SYBU: variants seen among roughly 807,000 people sequenced by gnomAD.
SYBU encodes syntabulin, also known as GOLSYN A protein.
A neutral mutation model predicts 35.9 loss-of-function variants in SYBU; 21 were observed. That is an observed-to-expected ratio of 0.58 (90% CI 0.41 to 0.84). SYBU has a LOEUF of 0.84. Ranked by LOEUF, SYBU falls within the 40% of genes least tolerant of loss-of-function variation. The pLI is 0.00. For synonymous variants in SYBU, 319 were observed against 324.3 expected, an observed-to-expected ratio of 0.98 and a Z score of 0.18; for missense variants, 768 against 848.2, an observed-to-expected ratio of 0.91 and a Z score of 1.17.
rs1586934536 is a variant in SYBU, at chr8:109,644,721, G to A, written c.-62C>T. ...CCGCCGTCCAGGAGGAGGCACCTGCGAGCACGGAGCGAGGAGACTGCGCTG... is the reference window on the plus strand; with the variant it reads ...CCGCCGTCCAGGAGGAGGCACCTGCAAGCACGGAGCGAGGAGACTGCGCTG... On this transcript the variant is annotated 5_prime_UTR_variant, in exon 1 of 7. Transcript: ENST00000276646. 1.4e-6 allele frequency: 2 copies of A among 1,450,220 alleles called. No homozygotes were observed. Among genetic ancestry groups the A allele is most frequent in the East Asian group, 2.8e-5 (1 of 35,984 alleles). 89.8% of individuals were successfully genotyped at this position (1,450,220 alleles called of 1,614,324 possible). A position where few individuals can be genotyped will look rare whatever the true frequency, so the allele number is the denominator to read the frequency against.
At chr8:109,614,211 C>T (rs10102050) in intron 3 of SYBU, among the ~76,000 whole-genome samples, 152 of 152,336 alleles carry the variant, frequency 1.0e-3, no homozygotes, top group Non-Finnish European at 1.7e-3. Context: ...TTTAGTACTT[C>T]CCTTTGTAAA....
intron 2 of SYBU, among the ~76,000 whole-genome samples, chr8:109,625,122 A>G (rs1812843610): frequency 6.8e-6 from 1 of 147,982 alleles, no homozygotes; most frequent in Non-Finnish European, 1.5e-5. Context: ...TTACGTAAGA[A>G]AATGTGCTTT....
In SYBU at chr8:109,597,515, C is replaced by T. The variant is rs547451039; in HGVS notation, c.428-11353G>A. Among the ~76,000 whole-genome samples, 62 of 151,594 alleles carry T rather than the reference C, an allele frequency of 4.1e-4. 1 individual carries two copies. Among genetic ancestry groups the T allele is most frequent in the Non-Finnish European group, 7.4e-4 (50 of 67,922 alleles). The stretch of plus-strand genomic sequence containing the variant: ...GGCAGATCAATTGAGCCCAGGGGTT[C>T]GAGACCAGCCTGGGTAAAATGGTAA... On this transcript the variant is annotated intron_variant, in intron 3 of 6. Transcript: ENST00000276646.
chr8:109,641,668 AT>A (rs1439185779), intron 2 of SYBU, among the ~76,000 whole-genome samples: 2 of 152,226 alleles, frequency 1.3e-5, no homozygotes, highest in Non-Finnish European at 2.9e-5. Flanking sequence ...TCTTTGGGGA[AT>A]TTTATAATTA....
chr8:109,663,650 C>G (rs1042526621), intron 1 of SYBU, among the ~76,000 whole-genome samples: 1 of 151,998 alleles, frequency 6.6e-6, no homozygotes, highest in African/African-American at 2.4e-5. Context: ...TCCTTTTAGT[C>G]TTTCCTTACC....
chr8:109,604,093 A>G (rs1825824362), intron 3 of SYBU, among the ~76,000 whole-genome samples: 1 of 152,182 alleles, frequency 6.6e-6, no homozygotes, highest in African/African-American at 2.4e-5. Context: ...GAAAGAAGAA[A>G]AGAAAGAAAA....
intron 2 of SYBU, among the ~76,000 whole-genome samples, chr8:109,628,484 C>A (rs886351626): frequency 5.3e-5 from 8 of 152,018 alleles, no homozygotes; most frequent in Non-Finnish European, 7.4e-5. Flanking sequence ...AGATGTGTGC[C>A]ACAACAGCTG....
At chr8:109,647,763 C>T (rs1456065634), upstream of SYBU, 4 of 152,222 alleles carry the variant, frequency 2.6e-5, no homozygotes, top group African/African-American at 9.6e-5. Flanking sequence ...AAAAATCCAA[C>T]ATGTGTTCAG....
chr8:109,614,939 C>A (rs1325212819), intron 3 of SYBU, among the ~76,000 whole-genome samples: 1 of 152,250 alleles, frequency 6.6e-6, no homozygotes, highest in African/African-American at 2.4e-5. Context: ...GCTGCCGGGC[C>A]CTGTTGGCAA....
chr8:109,582,206 G>C (rs527626400), intron 4 of SYBU, among the ~76,000 whole-genome samples: 36 of 152,308 alleles, frequency 2.4e-4, no homozygotes, highest in African/African-American at 8.4e-4. Flanking sequence ...CCCTGGCGCT[G>C]TTTCAGGTGC....
chr8:109,602,762 A>G (rs1825678421), intron 3 of SYBU, among the ~76,000 whole-genome samples: 1 of 152,176 alleles, frequency 6.6e-6, no homozygotes, highest in South Asian at 2.1e-4. Context: ...AAACGTCAAT[A>G]CAATAAAACA....
chr8:109,666,420 G>T (rs1287792940), intron 1 of SYBU, among the ~76,000 whole-genome samples: 2 of 151,846 alleles, frequency 1.3e-5, no homozygotes, highest in Non-Finnish European at 2.9e-5. Flanking sequence ...ACGTCTCCCA[G>T]ACATTGCCAG....
At chr8:109,686,256 G>T (rs1817517259) in intron 1 of SYBU, among the ~76,000 whole-genome samples, 1 of 151,926 alleles carries the variant, frequency 6.6e-6, no homozygotes, top group Non-Finnish European at 1.5e-5. Context: ...GGAGCGACAG[G>T]AAATGTTCCC....
At chr8:109,651,501 G>A (rs1214119296) in intron 1 of SYBU, among the ~76,000 whole-genome samples, 2 of 113,892 alleles carry the variant, frequency 1.8e-5, no homozygotes, top group Non-Finnish European at 3.3e-5. Context: ...CTCCAGTCAA[G>A]TTATTTAACC....
intron 1 of SYBU, among the ~76,000 whole-genome samples, chr8:109,676,602 A>G (rs1488037163): frequency 1.3e-5 from 2 of 152,246 alleles, no homozygotes; most frequent in African/African-American, 4.8e-5. Flanking sequence ...AACTGTAGTC[A>G]AGCAACTTGG....
intron 2 of SYBU, among the ~76,000 whole-genome samples, chr8:109,629,838 T>G (rs1321795019): frequency 6.6e-6 from 1 of 152,188 alleles, no homozygotes; most frequent in Non-Finnish European, 1.5e-5. Flanking sequence ...ATTGCCATTC[T>G]AACTGGTGTG....
In SYBU at chr8:109,574,849, C is replaced by CT; in HGVS notation, c.*56dup. 1.3e-6 allele frequency: 2 copies of CT among 1,484,612 alleles called. No individual in the cohort carries two copies. The highest frequency in any genetic ancestry group is 1.8e-6 in the Non-Finnish European group (2 of 1,114,472). The allele number at this position is 1,484,612 out of a possible 1,614,324, so 92.0% of individuals were successfully genotyped here. A position where few individuals can be genotyped will look rare whatever the true frequency, so the allele number is the denominator to read the frequency against. On this transcript the variant is annotated 3_prime_UTR_variant, in exon 7 of 7. Transcript: ENST00000276646. ...GTCACAGATGATTGACTTCCTGTTTCTCTACCTGGCACAACCCACATGGGA... is the reference window on the plus strand; with the variant it reads ...GTCACAGATGATTGACTTCCTGTTTCTTCTACCTGGCACAACCCACATGGGA...
intron 1 of SYBU, among the ~76,000 whole-genome samples, chr8:109,674,734 C>A (rs1029251363): frequency 6.6e-6 from 1 of 152,144 alleles, no homozygotes; most frequent in African/African-American, 2.4e-5. Context: ...TAGAGATCAA[C>A]AAGACACAAA....
chr8:109,668,165 G>GGA (rs60330422), intron 1 of SYBU, among the ~76,000 whole-genome samples: 4,278 of 88,920 alleles, frequency 0.048, 323 homozygotes, highest in Middle Eastern at 0.1. Context: ...GGGGAGAGGG[G>GGA]GAGAGAGAGA....
Sources: allele counts gnomAD v4.1 joint callset (sites outside exome capture counted in the v4.1 genomes callset), GRCh38; gene constraint gnomAD v4.1.1; transcripts MANE v1.5; gene names NCBI Gene and HGNC (gene_info 2026-07-23, HGNC 2026-07-21).